Variants in CHM observed in about 807,000 individuals in gnomAD.
CHM encodes the protein CHM Rab escort protein, also known as rab proteins geranylgeranyltransferase component A 1.
CHM carries 10 observed loss-of-function variants against 49.0 expected under a neutral mutation model. The ratio of observed to expected loss-of-function variants is 0.20; its 90% CI spans 0.13 to 0.35. The LOEUF is 0.35. CHM is among the 10% of genes least tolerant of loss of function. The pLI is 1.00. For synonymous variants in CHM, 184 were observed against 167.5 expected, an observed-to-expected ratio of 1.10 and a Z score of -0.76; for missense variants, 455 against 478.4, an observed-to-expected ratio of 0.95 and a Z score of 0.46.
chrX:85,898,596 G>A (rs1926058107), intron 11 of CHM, among the ~76,000 whole-genome samples: 1 of 112,198 alleles, frequency 8.9e-6, no homozygotes, highest in Non-Finnish European at 1.9e-5. Context: ...TCCTCCAAGA[G>A]TTATCTCTAT....
intron 13 of CHM, 107 bp from the exon 14 acceptor site, chrX:85,873,319 A>G (rs1924207725): frequency 9.1e-6 from 5 of 548,732 alleles, no homozygotes; most frequent in Non-Finnish European, 1.5e-5. Context: ...CATAGTAGGA[A>G]ATCAGAGCTT....
At chrX:85,991,969 C>T (rs1047087155) in intron 2 of CHM, among the ~76,000 whole-genome samples, 1 of 111,568 alleles carries the variant, frequency 9.0e-6, no homozygotes, top group Non-Finnish European at 1.9e-5. Flanking sequence ...AACTGTGAAG[C>T]TGAATATTGT....
chrX:85,903,823 G>C (rs956088479), intron 9 of CHM: 1 of 308,721 alleles, frequency 3.2e-6, no homozygotes, highest in Non-Finnish European at 6.4e-6. Context: ...ATTTGTTTCT[G>C]CAGAAATTGA....
intron 13 of CHM, among the ~76,000 whole-genome samples, chrX:85,875,984 G>T (rs946946201): frequency 1.8e-5 from 2 of 111,614 alleles, no homozygotes; most frequent in Admixed American, 1.9e-4. Flanking sequence ...TATCTGATAA[G>T]GGATTAATAT....
rs1193461119 is a variant in CHM at position 85,981,204 on chromosome X, T to TTATATATATATATATATATATATA, written c.189+532_189+533insTATATATATATATATATATATATA. Reference sequence around the variant, plus strand: ...TTTACTCTTCAACCAACATTTCTATTTCTATATATATATATAGACACACAT... The same window carrying TTATATATATATATATATATATATA: ...TTTACTCTTCAACCAACATTTCTATTTATATATATATATATATATATATATCTATATATATATATAGACACACAT... On this transcript the variant is annotated intron_variant, in intron 3 of 14. Transcript: ENST00000357749. Among the ~76,000 whole-genome samples the TTATATATATATATATATATATATA allele has an allele frequency of 3.3e-3, 168 of 50,713 alleles. 3 individuals carry two copies. The highest frequency in any genetic ancestry group is 0.011 in the African/African-American group (159 of 14,518). The allele number at this position is 50,713 out of a possible 115,157, so 44.0% of individuals were successfully genotyped here.
At chrX:85,884,072 A>G (rs925646202) in intron 12 of CHM, among the ~76,000 whole-genome samples, 1 of 111,206 alleles carries the variant, frequency 9.0e-6, no homozygotes, top group Non-Finnish European at 1.9e-5. Flanking sequence ...ATATAAGATG[A>G]ATAGAAATAA....
intron 8 of CHM, among the ~76,000 whole-genome samples, chrX:85,954,148 A>G (rs1400225104): frequency 8.9e-6 from 1 of 112,657 alleles, no homozygotes; most frequent in Non-Finnish European, 1.9e-5. Context: ...GAAGACATAC[A>G]AATGACAAGG....
At chrX:85,904,400 A>G (rs768012190) in intron 9 of CHM, among the ~76,000 whole-genome samples, 1 of 111,775 alleles carries the variant, frequency 8.9e-6, no homozygotes, top group East Asian at 2.8e-4. Context: ...TCAACGATAT[A>G]AGTGTGTAGA....
At chrX:85,883,467 C>A (rs1229095567) in intron 12 of CHM, among the ~76,000 whole-genome samples, 2 of 111,131 alleles carry the variant, frequency 1.8e-5, no homozygotes, top group Non-Finnish European at 3.8e-5. Context: ...ATATGACACA[C>A]AATTTAATTT....
intron 12 of CHM, among the ~76,000 whole-genome samples, chrX:85,882,923 G>C (rs1001740059): frequency 1.2e-4 from 13 of 111,080 alleles, no homozygotes; most frequent in Non-Finnish European, 1.7e-4. Flanking sequence ...GGCCAAGTCA[G>C]TTTTTCTCTC....
intron 3 of CHM, among the ~76,000 whole-genome samples, chrX:85,981,213 T>TATATATATATATATATATATATATAC (rs1931580555): frequency 1.3e-5 from 1 of 79,054 alleles, no homozygotes; most frequent in Admixed American, 1.5e-4. Context: ...TTTCTATATA[T>TATATATATATATATATATATATATAC]ATATATAGAC....
chrX:85,900,972 T>A, intron 10 of CHM, 112 bp downstream of exon 10: 1 of 562,039 alleles, frequency 1.8e-6, no homozygotes, highest in Non-Finnish European at 3.0e-6. Flanking sequence ...TGAAGTAAGA[T>A]ATTGAATATA....
chrX:85,942,376 TA>T (rs1185213669), intron 8 of CHM, among the ~76,000 whole-genome samples: 4 of 109,466 alleles, frequency 3.7e-5, no homozygotes, highest in Non-Finnish European at 7.6e-5. Context: ...TATCTGAGTT[TA>T]AAAAAATAAT....
chrX:86,021,108 A>G (rs868304947), intron 2 of CHM, among the ~76,000 whole-genome samples: 4 of 77,434 alleles, frequency 5.2e-5, no homozygotes, highest in African/African-American at 9.7e-5. Context: ...ATATATACGT[A>G]TATATATGTG....
intron 8 of CHM, among the ~76,000 whole-genome samples, chrX:85,941,847 ACAG>A (rs962900815): frequency 3.6e-5 from 4 of 111,624 alleles, no homozygotes; most frequent in South Asian, 7.5e-4. Flanking sequence ...GCATTCTGTA[ACAG>A]CAGCAGCAGC....
At chrX:85,958,064 A>G in intron 6 of CHM, 89 bp from the exon 7 acceptor site, 3 of 1,077,031 alleles carry the variant, frequency 2.8e-6, no homozygotes, top group Non-Finnish European at 3.8e-6. Context: ...TACATATAAC[A>G]GGATTATCGT....
chrX:85,897,962 G>T (rs1453027497), intron 11 of CHM, among the ~76,000 whole-genome samples: 1 of 111,201 alleles, frequency 9.0e-6, no homozygotes. Context: ...CAGGGAAAAG[G>T]AAAAGGGCAG....
intron 10 of CHM, 83 bp from the exon 11 acceptor site, chrX:85,900,792 G>T: frequency 1.4e-6 from 1 of 712,845 alleles, no homozygotes; most frequent in Non-Finnish European, 2.2e-6. Context: ...CAGAAGGCAC[G>T]TTTCAAAGAT....
At chrX:85,955,980 A>G (rs1312672057) in intron 8 of CHM, among the ~76,000 whole-genome samples, 173 bp downstream of exon 8, 6 of 112,409 alleles carry the variant, frequency 5.3e-5, no homozygotes, top group African/African-American at 1.9e-4. Flanking sequence ...CACACTGAAT[A>G]TATCACTTAG....
Sources: gnomAD v4.1 joint callset for allele counts (sites outside exome capture counted in the v4.1 genomes callset) on GRCh38, gnomAD v4.1.1 for gene constraint, MANE v1.5 for transcripts, NCBI Gene and HGNC (gene_info 2026-07-23, HGNC 2026-07-21) for gene names.